The following GALNTL6 variants were observed in gnomAD, a reference collection of about 807,000 sequenced individuals.
The protein encoded by GALNTL6 is polypeptide N-acetylgalactosaminyltransferase-like 6.
Under a neutral mutation model 73.7 loss-of-function variants are expected in GALNTL6, and 46 were observed. That is an observed-to-expected ratio of 0.62 (90% CI 0.49 to 0.80). The LOEUF (loss-of-function observed/expected upper bound fraction) is 0.80, where lower values mean the gene tolerates loss of function less well. Ranked by LOEUF, GALNTL6 falls within the 30% of genes least tolerant of loss-of-function variation. The pLI, the probability that GALNTL6 is intolerant of heterozygous loss-of-function variation, is 0.00. For synonymous variants in GALNTL6, 259 were observed against 263.7 expected (o/e 0.98, Z 0.17); for missense variants, 604 against 755.0 (o/e 0.80, Z 2.34).
chr4:172,029,754 A>T (rs1317372411), intron 2 of GALNTL6, among the ~76,000 whole-genome samples: 1 of 152,116 alleles, frequency 6.6e-6, no homozygotes, highest in Non-Finnish European at 1.5e-5. Flanking sequence ...GAAAAGAAAA[A>T]TATTCAAACA....
intron 12 of GALNTL6, among the ~76,000 whole-genome samples, chr4:173,035,387 AG>A (rs35815668): frequency 0.3 from 45,112 of 152,014 alleles, 6,913 homozygotes; most frequent in African/African-American, 0.33. Context: ...CATGTTGCTC[AG>A]GCTGGTCTCG....
chr4:172,996,737 G>A (rs533366598), intron 10 of GALNTL6, among the ~76,000 whole-genome samples: 22 of 152,280 alleles, frequency 1.4e-4, no homozygotes, highest in Non-Finnish European at 3.1e-4. Context: ...ACCAAGTAGA[G>A]TGATGTACCC....
intron 2 of GALNTL6, among the ~76,000 whole-genome samples, chr4:172,058,298 T>C (rs1241203018): frequency 2.6e-5 from 4 of 152,112 alleles, no homozygotes; most frequent in African/African-American, 9.7e-5. Flanking sequence ...TCTCACCTTC[T>C]AAATATTCTA....
At chr4:172,070,493 T>C (rs1731511847) in intron 2 of GALNTL6, among the ~76,000 whole-genome samples, 1 of 109,488 alleles carries the variant, frequency 9.1e-6, no homozygotes, top group Admixed American at 9.6e-5. Context: ...AATGGATTAA[T>C]GTCACTGTCA....
At chr4:171,867,045 G>A (rs1735989641) in intron 2 of GALNTL6, among the ~76,000 whole-genome samples, 1 of 151,888 alleles carries the variant, frequency 6.6e-6, no homozygotes, top group South Asian at 2.1e-4. Context: ...ATTCAACCTG[G>A]TAAAATACTT....
At chr4:172,910,322 A>C (rs2111261383) in intron 8 of GALNTL6, among the ~76,000 whole-genome samples, 1 of 152,248 alleles carries the variant, frequency 6.6e-6, no homozygotes, top group Non-Finnish European at 1.5e-5. Flanking sequence ...ACATAAACAA[A>C]CATGATCATT....
chr4:172,713,419 A>G (rs1383580048), intron 5 of GALNTL6, among the ~76,000 whole-genome samples: 1 of 152,016 alleles, frequency 6.6e-6, no homozygotes, highest in Non-Finnish European at 1.5e-5. Context: ...AGCTGGCAGC[A>G]TTCCCTCTTG....
At chr4:172,754,400 G>A (rs755407165) in intron 5 of GALNTL6, among the ~76,000 whole-genome samples, 28 of 152,134 alleles carry the variant, frequency 1.8e-4, no homozygotes, top group South Asian at 6.2e-4. Flanking sequence ...GTGAAACCCC[G>A]TCTCTACTAA....
chr4:172,266,830 T>C (rs1007908537), intron 3 of GALNTL6, among the ~76,000 whole-genome samples: 7 of 152,166 alleles, frequency 4.6e-5, no homozygotes, highest in African/African-American at 1.4e-4. Flanking sequence ...TGGTCTCTCT[T>C]TCTGTGTCTC....
At chr4:172,808,119 G>A (rs890228100) in intron 5 of GALNTL6, among the ~76,000 whole-genome samples, 8 of 152,074 alleles carry the variant, frequency 5.3e-5, no homozygotes, top group Admixed American at 1.3e-4. Context: ...CACCATGCCC[G>A]GCCCCATCTG....
intron 5 of GALNTL6, among the ~76,000 whole-genome samples, chr4:172,496,675 C>T (rs1351550941): frequency 6.6e-6 from 1 of 152,010 alleles, no homozygotes; most frequent in Non-Finnish European, 1.5e-5. Flanking sequence ...AGAGTAAGAC[C>T]TTATCTCAAA....
At chr4:172,556,936 G>A (rs370320627) in intron 5 of GALNTL6, among the ~76,000 whole-genome samples, 1 of 152,100 alleles carries the variant, frequency 6.6e-6, no homozygotes, top group Non-Finnish European at 1.5e-5. Context: ...CTATTAGGAA[G>A]TAGAATGTCA....
chr4:172,972,214 A>G (rs1365481362), intron 10 of GALNTL6, among the ~76,000 whole-genome samples: 1 of 152,106 alleles, frequency 6.6e-6, no homozygotes, highest in East Asian at 1.9e-4. Flanking sequence ...ACCTTAACAC[A>G]CCTCTCTTGA....
intron 2 of GALNTL6, among the ~76,000 whole-genome samples, chr4:171,992,950 T>C (rs1476383616): frequency 6.6e-6 from 1 of 152,064 alleles, no homozygotes; most frequent in Non-Finnish European, 1.5e-5. Flanking sequence ...TTTCACTGTT[T>C]TTCCAAGCTC....
At chr4:173,015,506 A>G (rs1021542485) in intron 11 of GALNTL6, among the ~76,000 whole-genome samples, 3 of 152,258 alleles carry the variant, frequency 2.0e-5, no homozygotes, top group Non-Finnish European at 4.4e-5. Flanking sequence ...AATGAAGTCC[A>G]GGCTGAGGTG....
chr4:172,845,554 A>G lies in GALNTL6; in HGVS notation c.923+31831A>G, dbSNP rs75364066. Among the ~76,000 whole-genome samples, 368 of 152,320 alleles carry G rather than the reference A, an allele frequency of 2.4e-3. 16 individuals carry two copies. In the East Asian group the frequency reaches 0.057, roughly 24 times the overall value. ...GAATGAGAGCATTGTTAGCAGTAATATATAATTAAGCTCTGCCTTCAAAAA... is the reference window on the plus strand; with the variant it reads ...GAATGAGAGCATTGTTAGCAGTAATGTATAATTAAGCTCTGCCTTCAAAAA... On this transcript the variant is annotated intron_variant, in intron 7 of 12. Coordinates refer to ENST00000506823, the MANE Select transcript of GALNTL6 (RefSeq NM_001034845.3).
intron 10 of GALNTL6, among the ~76,000 whole-genome samples, chr4:172,993,375 G>A (rs1258757323): frequency 6.6e-6 from 1 of 152,214 alleles, no homozygotes; most frequent in African/African-American, 2.4e-5. Flanking sequence ...CTCCAGAACT[G>A]AGAATCTCTC....
At chr4:171,955,771 G>A (rs1023653356) in intron 2 of GALNTL6, among the ~76,000 whole-genome samples, 1 of 150,452 alleles carries the variant, frequency 6.6e-6, no homozygotes, top group Non-Finnish European at 1.5e-5. Flanking sequence ...ATACGTGTGT[G>A]TATATATATA....
At chr4:172,210,025 AGAAT>A (rs1227953719) in intron 2 of GALNTL6, among the ~76,000 whole-genome samples, 1 of 152,124 alleles carries the variant, frequency 6.6e-6, no homozygotes, top group Non-Finnish European at 1.5e-5. Flanking sequence ...ATCATAGTAA[AGAAT>A]GAATAATGTT....
Sources: allele counts gnomAD v4.1 joint callset (sites outside exome capture counted in the v4.1 genomes callset), GRCh38; gene constraint gnomAD v4.1.1; transcripts MANE v1.5; gene names NCBI Gene and HGNC (gene_info 2026-07-23, HGNC 2026-07-21).